The following LRMDA variants were observed in gnomAD, a reference collection of about 807,000 sequenced individuals.
LRMDA encodes leucine rich melanocyte differentiation associated.
LRMDA carries 18 observed loss-of-function variants against 29.8 expected under a neutral mutation model. The observed-to-expected ratio is 0.60, with a 90% confidence interval of 0.42 to 0.90. LRMDA has a LOEUF of 0.90. Among genes scored for constraint, LRMDA ranks in the 40% least tolerant of loss-of-function variants. The pLI, the probability that LRMDA is intolerant of heterozygous loss-of-function variation, is 0.00. For missense variants in LRMDA, 273 were observed against 273.9 expected, an observed-to-expected ratio of 1.00 and a Z score of 0.02; for synonymous variants, 125 against 109.4, an observed-to-expected ratio of 1.14 and a Z score of -0.89.
intron 2 of LRMDA, among the ~76,000 whole-genome samples, chr10:76,033,467 C>T (rs1160764278): frequency 4.6e-5 from 7 of 152,164 alleles, no homozygotes; most frequent in Non-Finnish European, 7.3e-5. Flanking sequence ...GGAAGAAAGG[C>T]TGGCTGGATG....
At chr10:76,509,422 A>C (rs1291395795) in intron 6 of LRMDA, among the ~76,000 whole-genome samples, 1 of 152,180 alleles carries the variant, frequency 6.6e-6, no homozygotes, top group Non-Finnish European at 1.5e-5. Flanking sequence ...CTTGCAACTT[A>C]AGTTTCTAAC....
chr10:76,060,695 G>A (rs115800617), intron 5 of LRMDA, among the ~76,000 whole-genome samples: 12 of 152,230 alleles, frequency 7.9e-5, no homozygotes, highest in Non-Finnish European at 1.8e-4. Context: ...GAGCAGGACT[G>A]TTCTGTTGAG....
At chr10:76,039,865 T>C (rs1375761024) in intron 3 of LRMDA, among the ~76,000 whole-genome samples, 1 of 152,222 alleles carries the variant, frequency 6.6e-6, no homozygotes, top group Non-Finnish European at 1.5e-5. Flanking sequence ...ATTATTGTTG[T>C]TGTTATTATC....
At chr10:76,546,299 A>C (rs776102296) in intron 6 of LRMDA, among the ~76,000 whole-genome samples, 2 of 152,198 alleles carry the variant, frequency 1.3e-5, no homozygotes, top group Non-Finnish European at 1.5e-5. Context: ...TTCAATCTGC[A>C]GTCTTCCCAC....
intron 2 of LRMDA, among the ~76,000 whole-genome samples, chr10:75,568,212 T>C (rs559132468): frequency 6.6e-6 from 1 of 152,344 alleles, no homozygotes; most frequent in Non-Finnish European, 1.5e-5. Flanking sequence ...GGGGAATTGC[T>C]GTCTTATTAT....
chr10:75,468,581 G>T (rs1463385845), intron 2 of LRMDA, among the ~76,000 whole-genome samples: 6 of 152,136 alleles, frequency 3.9e-5, no homozygotes, highest in African/African-American at 1.4e-4. Context: ...TTGCTCTTAA[G>T]GTTCTGCACC....
At chr10:75,599,582 G>C (rs1369949520) in intron 2 of LRMDA, among the ~76,000 whole-genome samples, 1 of 152,172 alleles carries the variant, frequency 6.6e-6, no homozygotes, top group Non-Finnish European at 1.5e-5. Context: ...GAGACGGCGG[G>C]TAGTAGAAGG....
rs1248911758 is a variant in LRMDA at position 76,558,448 on chromosome 10, A to ATAAG, written c.*1162_*1165dup. ...CACTAGCACTAATGTCACAAGGAAC[A>ATAAG]TAAGTGTGATCATTGCTAGTTGGGT... is the stretch of plus-strand genomic sequence containing the variant. On this transcript the variant is annotated 3_prime_UTR_variant, in exon 7 of 7. Transcript: ENST00000611255. The ATAAG allele has an allele frequency of 2.0e-5, 3 of 152,360 alleles. No homozygotes were observed. Among genetic ancestry groups the ATAAG allele is most frequent in the Admixed American group, 1.3e-4 (2 of 15,314 alleles). The allele number at this position is 152,360 out of a possible 1,614,324, so 9.4% of individuals were successfully genotyped here.
At chr10:76,324,633 G>A (rs917394507) in intron 6 of LRMDA, 148 bp downstream of exon 6, 7 of 664,600 alleles carry the variant, frequency 1.1e-5, no homozygotes, top group Admixed American at 5.6e-5. Flanking sequence ...CCTGTCACAC[G>A]TAGTGATTTT....
At chr10:75,891,849 G>T (rs1026244494) in intron 2 of LRMDA, among the ~76,000 whole-genome samples, 2 of 152,184 alleles carry the variant, frequency 1.3e-5, no homozygotes, top group Non-Finnish European at 2.9e-5. Flanking sequence ...GCAGATTTGG[G>T]GCTGAGAATT....
chr10:76,157,955 A>G (rs1307740269), intron 5 of LRMDA, among the ~76,000 whole-genome samples: 1 of 150,216 alleles, frequency 6.7e-6, no homozygotes, highest in East Asian at 2.0e-4. Flanking sequence ...GTTGTAACAC[A>G]ATGGTAAGTA....
intron 2 of LRMDA, among the ~76,000 whole-genome samples, chr10:75,532,906 C>A (rs913179462): frequency 6.6e-6 from 1 of 152,074 alleles, no homozygotes; most frequent in Non-Finnish European, 1.5e-5. Context: ...TGGTTTTGGG[C>A]ACTGTAAGCA....
At chr10:75,929,696 A>G (rs530446542) in intron 2 of LRMDA, among the ~76,000 whole-genome samples, 10 of 152,160 alleles carry the variant, frequency 6.6e-5, no homozygotes, top group South Asian at 4.2e-4. Context: ...AGTCTTTTAG[A>G]ATTTTGGTTT....
At chr10:76,176,373 G>T (rs533278976) in intron 5 of LRMDA, among the ~76,000 whole-genome samples, 1 of 152,330 alleles carries the variant, frequency 6.6e-6, no homozygotes, top group East Asian at 1.9e-4. Context: ...CAATAGAAGG[G>T]CAGCTTCAAC....
chr10:76,113,410 G>A (rs1849612765), intron 5 of LRMDA, among the ~76,000 whole-genome samples: 1 of 151,762 alleles, frequency 6.6e-6, no homozygotes, highest in South Asian at 2.1e-4. Context: ...TCTTGGGCTT[G>A]GAGAGTTGTC....
intron 5 of LRMDA, among the ~76,000 whole-genome samples, chr10:76,316,542 T>C (rs954595500): frequency 1.3e-5 from 2 of 152,078 alleles, no homozygotes; most frequent in Non-Finnish European, 2.9e-5. Context: ...TAAGCAAAAC[T>C]CAGGCAAAGG....
At chr10:76,326,167 G>A (rs1840831381) in intron 6 of LRMDA, among the ~76,000 whole-genome samples, 1 of 152,168 alleles carries the variant, frequency 6.6e-6, no homozygotes, top group African/African-American at 2.4e-5. Context: ...TGGGCTGATG[G>A]CCATAAGGAG....
intron 5 of LRMDA, among the ~76,000 whole-genome samples, chr10:76,306,438 C>G (rs533660458): frequency 6.6e-6 from 1 of 152,284 alleles, no homozygotes; most frequent in Middle Eastern, 3.4e-3. Context: ...AAATGAAACT[C>G]AAGTGTAGCA....
At chr10:76,377,524 G>A (rs1367177256) in intron 6 of LRMDA, among the ~76,000 whole-genome samples, 2 of 151,978 alleles carry the variant, frequency 1.3e-5, no homozygotes, top group Non-Finnish European at 1.5e-5. Flanking sequence ...AATAGTTTGA[G>A]GTCTTTATTC....
Sources: allele counts gnomAD v4.1 joint callset (sites outside exome capture counted in the v4.1 genomes callset), GRCh38; gene constraint gnomAD v4.1.1; transcripts MANE v1.5; gene names NCBI Gene and HGNC (gene_info 2026-07-23, HGNC 2026-07-21).